Variants in FBXO21 observed in about 807,000 individuals in gnomAD.
The protein encoded by FBXO21 is F-box only protein 21.
In FBXO21, 32 loss-of-function variants were observed where a neutral mutation model predicts 76.6. The observed-to-expected ratio is 0.42, with a 90% confidence interval of 0.32 to 0.56. FBXO21 has a LOEUF of 0.56. Ranked by LOEUF, FBXO21 falls within the 20% of genes least tolerant of loss-of-function variation. The pLI is 0.16. For synonymous variants in FBXO21, 328 were observed against 311.5 expected (o/e 1.05, Z -0.56); for missense variants, 586 against 797.3 (o/e 0.73, Z 3.19).
chr12:117,177,967 C>G (rs1212166709), intron 3 of FBXO21, among the ~76,000 whole-genome samples: 1 of 151,088 alleles, frequency 6.6e-6, no homozygotes, highest in Admixed American at 6.6e-5. Context: ...TTTTGCTGGT[C>G]CCCCTGCTTG....
At chr12:117,166,646 T>A (rs1956056965) in intron 8 of FBXO21, among the ~76,000 whole-genome samples, 1 of 152,236 alleles carries the variant, frequency 6.6e-6, no homozygotes, top group Admixed American at 6.5e-5. Context: ...TGTTTTCTTA[T>A]CTAATGATAG....
chr12:117,152,962 G>A (rs1284101019), intron 11 of FBXO21, among the ~76,000 whole-genome samples: 1 of 152,122 alleles, frequency 6.6e-6, no homozygotes, highest in Non-Finnish European at 1.5e-5. Flanking sequence ...GAACGGAAGT[G>A]GGCTGGAGTA....
chr12:117,153,139 T>C (rs938477511), intron 11 of FBXO21, among the ~76,000 whole-genome samples: 4 of 151,806 alleles, frequency 2.6e-5, no homozygotes, highest in Non-Finnish European at 4.4e-5. Context: ...TTGCTGTTGC[T>C]AAGGAAAATG....
chr12:117,187,146 T>C (rs1026826216), intron 2 of FBXO21, among the ~76,000 whole-genome samples: 137 of 149,816 alleles, frequency 9.1e-4, no homozygotes, highest in African/African-American at 3.3e-3. Context: ...CGGCGGCAGG[T>C]GCAGTGGCTC....
At chr12:117,152,344 C>T (rs1328302219) in intron 11 of FBXO21, among the ~76,000 whole-genome samples, 1 of 151,858 alleles carries the variant, frequency 6.6e-6, no homozygotes, top group East Asian at 1.9e-4. Context: ...TGCATGCCTG[C>T]AGTCCCAGCT....
intron 4 of FBXO21, 69 bp downstream of exon 4, chr12:117,177,451 G>A: frequency 1.4e-6 from 2 of 1,477,588 alleles, no homozygotes; most frequent in Non-Finnish European, 1.8e-6. Flanking sequence ...AATTCCCTCT[G>A]CTGGTCTTAA....
At position 117,158,520 on chromosome 12, in the gene FBXO21, A is replaced by G. The variant is rs79757437; in HGVS notation, c.1327-457T>C. 0.01 allele frequency among the ~76,000 whole-genome samples: 1,557 copies of G among 151,334 alleles called. 130 individuals are homozygous for G. The East Asian group carries it at 0.23, about 23-fold the overall frequency. On this transcript the variant is annotated intron_variant, in intron 9 of 11. Transcript: ENST00000622495. ...CTTGCCACTCACGAATTCAGAGGGG[A>G]AAAAAAAATGCTAAATTGCTTTAAT...
At chr12:117,155,562 C>T (rs1322976535) in intron 11 of FBXO21, 2 of 591,748 alleles carry the variant, frequency 3.4e-6, no homozygotes, top group East Asian at 2.8e-5. Flanking sequence ...GCTGTGGGAG[C>T]GGAGGCCCTG....
intron 8 of FBXO21, 129 bp downstream of exon 8, chr12:117,166,769 C>G: frequency 1.4e-6 from 1 of 697,310 alleles, no homozygotes. Flanking sequence ...TTCCAGTACT[C>G]GCAAAGAGAA....
chr12:117,172,570 G>C lies in FBXO21; in HGVS notation c.914C>G (p.Ser305Cys). The change falls in exon 7 of 12, where the codon TCT becomes TGT. Residue 305 changes from serine (S) to cysteine (C), a missense_variant. Ser to Cys is a moderately radical substitution (Grantham distance 112). Coordinates refer to ENST00000622495, the MANE Select transcript of FBXO21 (RefSeq NM_015002.3). Reference protein sequence around the residue: ...IRRTGIPISMSLLYLTIARQL... With the variant: ...IRRTGIPISMCLLYLTIARQL... ...CCGAGCAATTGTCAAATAGAGCAGA[G>C]ACATGCTGATTGGGATTCCTGTTCT... 6.2e-7 allele frequency: 1 copy of C among 1,613,856 alleles called. No individual in the cohort carries two copies. The highest frequency in any genetic ancestry group is 8.5e-7 in the Non-Finnish European group (1 of 1,179,772).
In FBXO21 at chr12:117,174,256, G is replaced by C; in HGVS notation, c.825C>G (p.Phe275Leu). ...MNYVLYDQLK[F>L]KGNRMDYYNA... ...TATAGTAATCCATTCGATTCCCCTT[G>C]AACTTCAGTTGGTCGTAAAGGACAT... Residue 275 changes from phenylalanine to leucine, a missense_variant, in exon 6 of 12, where the codon TTC (phenylalanine) becomes TTG (leucine). Physicochemically the swap from Phe to Leu is conservative, Grantham distance 22. This residue lies in a region of FBXO21 where 246 missense variants were observed against 356.8 expected (regional missense o/e 0.69). Transcript: ENST00000622495. 1.9e-6 allele frequency: 3 copies of C among 1,613,538 alleles called. 1 individual carries two copies. Among genetic ancestry groups the C allele is most frequent in the South Asian group, 2.2e-5 (2 of 91,056 alleles).
chr12:117,165,269 T>C (rs570590055), intron 9 of FBXO21, among the ~76,000 whole-genome samples: 1 of 152,186 alleles, frequency 6.6e-6, no homozygotes, highest in East Asian at 1.9e-4. Flanking sequence ...TTTAAGGAGC[T>C]GACCACAAAG....
chr12:117,177,761 TATA>T (rs1261791297), intron 3 of FBXO21, 120 bp from the exon 4 acceptor site: 2 of 693,614 alleles, frequency 2.9e-6, no homozygotes, highest in African/African-American at 1.8e-5. Flanking sequence ...TTCATTCTCT[TATA>T]ATAATTATAA....
At chr12:117,160,980 T>C (rs545410904) in intron 9 of FBXO21, among the ~76,000 whole-genome samples, 57 of 152,252 alleles carry the variant, frequency 3.7e-4, no homozygotes, top group Middle Eastern at 3.4e-3. Flanking sequence ...GCTCCTATCA[T>C]GGGCCAGGAA....
intron 9 of FBXO21, among the ~76,000 whole-genome samples, chr12:117,162,800 A>G (rs1373149545): frequency 1.3e-5 from 2 of 152,212 alleles, no homozygotes; most frequent in African/African-American, 4.8e-5. Flanking sequence ...ACTCATCAGC[A>G]TAGAAATCCG....
intron 9 of FBXO21, among the ~76,000 whole-genome samples, chr12:117,162,743 G>A (rs922118736): frequency 6.6e-6 from 1 of 152,054 alleles, no homozygotes; most frequent in African/African-American, 2.4e-5. Context: ...CTCACACTCC[G>A]TAACAATTTT....
chr12:117,174,537 T>A, intron 5 of FBXO21, 114 bp downstream of exon 5: 1 of 1,333,166 alleles, frequency 7.5e-7, no homozygotes, highest in South Asian at 1.4e-5. Flanking sequence ...CGTGGTCACG[T>A]CATTTTATCA....
At chr12:117,174,140 A>G (rs1198670159) in intron 6 of FBXO21, 65 bp downstream of exon 6, 2 of 1,371,512 alleles carry the variant, frequency 1.5e-6, no homozygotes, top group African/African-American at 1.4e-5. Context: ...CTGTCTCTAA[A>G]AACAGAAAAA....
At chr12:117,188,453 G>A (rs527620261) in intron 2 of FBXO21, among the ~76,000 whole-genome samples, 13 of 152,258 alleles carry the variant, frequency 8.5e-5, no homozygotes, top group Middle Eastern at 3.4e-3. Context: ...GCTGAGACAT[G>A]AGAATTGCTC....
Sources: gnomAD v4.1 joint callset for allele counts (sites outside exome capture counted in the v4.1 genomes callset) on GRCh38, gnomAD v4.1.1 for gene constraint, gnomAD v4.1.1 regional missense constraint, MANE v1.5 for transcripts, NCBI Gene and HGNC (gene_info 2026-07-23, HGNC 2026-07-21) for gene names.